NEGR1: variants seen among roughly 807,000 people sequenced by gnomAD.
NEGR1 encodes neuronal growth regulator 1.
NEGR1 carries 10 observed loss-of-function variants against 40.9 expected under a neutral mutation model. The observed-to-expected ratio is 0.24, with a 90% CI of 0.15 to 0.42. NEGR1 has a LOEUF of 0.42. NEGR1 is among the 10% of genes least tolerant of loss of function. The pLI is 1.00. For missense variants in NEGR1, 352 were observed against 438.9 expected, an observed-to-expected ratio of 0.80 and a Z score of 1.77; for synonymous variants, 185 against 166.8, an observed-to-expected ratio of 1.11 and a Z score of -0.84.
chr1:72,052,811 C>CTTTATGAACAATT (rs1647074858), intron 1 of NEGR1, among the ~76,000 whole-genome samples: 1 of 151,360 alleles, frequency 6.6e-6, no homozygotes, highest in Non-Finnish European at 1.5e-5. Flanking sequence ...ATTACATAGA[C>CTTTATGAACAATT]TTTATGAACA....
At chr1:71,734,395 A>G (rs1170866869) in intron 3 of NEGR1, among the ~76,000 whole-genome samples, 1 of 152,202 alleles carries the variant, frequency 6.6e-6, no homozygotes, top group Non-Finnish European at 1.5e-5. Flanking sequence ...TTACATTGAC[A>G]GAATTGTTGG....
At chr1:71,620,695 G>C (rs913450842) in intron 4 of NEGR1, among the ~76,000 whole-genome samples, 1 of 151,884 alleles carries the variant, frequency 6.6e-6, no homozygotes, top group Non-Finnish European at 1.5e-5. Flanking sequence ...CAATCTTTAT[G>C]ACTTAGAGAC....
chr1:71,904,739 C>G (rs1032053576), intron 2 of NEGR1, among the ~76,000 whole-genome samples: 2 of 152,108 alleles, frequency 1.3e-5, no homozygotes, highest in African/African-American at 4.8e-5. Context: ...TATTTAGTAT[C>G]CACCCACTTA....
At chr1:72,229,845 G>C (rs1011427745) in intron 1 of NEGR1, among the ~76,000 whole-genome samples, 1 of 151,916 alleles carries the variant, frequency 6.6e-6, no homozygotes, top group Non-Finnish European at 1.5e-5. Context: ...TCCACATTCT[G>C]CTTTTATCAA....
At chr1:71,662,296 T>A (rs1652086453) in intron 4 of NEGR1, among the ~76,000 whole-genome samples, 1 of 152,214 alleles carries the variant, frequency 6.6e-6, no homozygotes, top group African/African-American at 2.4e-5. Context: ...AGTAGGGTTT[T>A]GAACTATCCA....
intron 1 of NEGR1, among the ~76,000 whole-genome samples, chr1:72,000,198 A>T (rs1646545435): frequency 6.6e-6 from 1 of 151,984 alleles, no homozygotes; most frequent in Non-Finnish European, 1.5e-5. Context: ...GCTTCCTTTA[A>T]TTTTTCTTAA....
intron 1 of NEGR1, among the ~76,000 whole-genome samples, chr1:72,196,237 T>G (rs987235470): frequency 1.3e-5 from 2 of 152,036 alleles, no homozygotes; most frequent in Non-Finnish European, 2.9e-5. Flanking sequence ...CATTTTGGAT[T>G]TGGGATTTTT....
intron 6 of NEGR1, among the ~76,000 whole-genome samples, chr1:71,547,014 T>C (rs1209818570): frequency 5.3e-5 from 8 of 151,726 alleles, no homozygotes; most frequent in Non-Finnish European, 1.2e-4. Flanking sequence ...GTTGGTTTGA[T>C]ACTCTAATCA....
intron 2 of NEGR1, among the ~76,000 whole-genome samples, chr1:71,828,825 GA>G (rs1327283627): frequency 6.6e-6 from 1 of 151,636 alleles, no homozygotes. Flanking sequence ...CTCCTTCAAG[GA>G]AAAAAAGGTT....
chr1:72,209,530 C>G (rs982527309), intron 1 of NEGR1, among the ~76,000 whole-genome samples: 1 of 151,752 alleles, frequency 6.6e-6, no homozygotes. Flanking sequence ...GAACACCTAT[C>G]CCACTCATTC....
chr1:71,730,213 T>C (rs1654813238), intron 3 of NEGR1, among the ~76,000 whole-genome samples: 1 of 152,062 alleles, frequency 6.6e-6, no homozygotes, highest in Non-Finnish European at 1.5e-5. Context: ...ATATTATTTG[T>C]TCAGATAAGT....
intron 4 of NEGR1, among the ~76,000 whole-genome samples, chr1:71,629,585 C>T (rs537800612): frequency 6.6e-6 from 1 of 151,832 alleles, no homozygotes; most frequent in South Asian, 2.1e-4. Context: ...CACTCCTATT[C>T]GACATAGTAT....
intron 6 of NEGR1, among the ~76,000 whole-genome samples, chr1:71,590,844 C>A (rs572306839): frequency 6.6e-6 from 1 of 152,220 alleles, no homozygotes; most frequent in African/African-American, 2.4e-5. Context: ...TTTATTTATT[C>A]ATTAATCCAT....
rs148695090 is a variant in NEGR1 at position 71,586,654 on chromosome 1, G to T, written c.940+6163C>A. Among the ~76,000 whole-genome samples the T allele has an allele frequency of 2.8e-4, 43 of 152,186 alleles. No homozygotes were observed. The East Asian group carries it at 7.4e-3, about 26-fold the overall frequency. ...GTCACTCTGACTGCTTCAGCCTGCTGGTTATCGTCTCTCCCATATGCCACT... is the reference window on the plus strand; with the variant it reads ...GTCACTCTGACTGCTTCAGCCTGCTTGTTATCGTCTCTCCCATATGCCACT... On this transcript the variant is annotated intron_variant, in intron 6 of 6. Coordinates refer to ENST00000357731, the MANE Select transcript of NEGR1 (RefSeq NM_173808.3).
chr1:71,463,619 C>T (rs1358096764), intron 6 of NEGR1: 1 of 152,056 alleles, frequency 6.6e-6, no homozygotes, highest in Non-Finnish European at 1.5e-5. Context: ...TATTAGTGCC[C>T]ATCCTGATAA....
chr1:71,569,879 C>T (rs1181148652), intron 6 of NEGR1, among the ~76,000 whole-genome samples: 3 of 152,140 alleles, frequency 2.0e-5, no homozygotes, highest in Non-Finnish European at 2.9e-5. Flanking sequence ...GGCTCACCAA[C>T]GGGGTCACTT....
intron 6 of NEGR1, among the ~76,000 whole-genome samples, chr1:71,493,102 C>T (rs897986562): frequency 1.3e-5 from 2 of 152,112 alleles, no homozygotes; most frequent in Non-Finnish European, 2.9e-5. Context: ...TTTGAAATAT[C>T]TGTTTTATCC....
At chr1:72,256,511 A>G (rs1245834063) in intron 1 of NEGR1, among the ~76,000 whole-genome samples, 1 of 152,240 alleles carries the variant, frequency 6.6e-6, no homozygotes, top group Non-Finnish European at 1.5e-5. Context: ...CACATTTGAA[A>G]TTAAAATTGA....
At chr1:71,421,275 A>G (rs1646391990) in intron 6 of NEGR1, 3 of 152,230 alleles carry the variant, frequency 2.0e-5, no homozygotes, top group South Asian at 4.1e-4. Flanking sequence ...TTGATTCATC[A>G]GTTGCTAAAA....
Sources: gnomAD v4.1 joint callset for allele counts (sites outside exome capture counted in the v4.1 genomes callset) on GRCh38, gnomAD v4.1.1 for gene constraint, MANE v1.5 for transcripts, NCBI Gene and HGNC (gene_info 2026-07-23, HGNC 2026-07-21) for gene names.